Variants in STXBP5L observed in about 807,000 individuals in gnomAD.
STXBP5L encodes the protein syntaxin binding protein 5L.
STXBP5L carries 65 observed loss-of-function variants against 144.5 expected under a neutral mutation model. The observed-to-expected ratio is 0.45, with a 90% confidence interval of 0.37 to 0.55. The LOEUF (loss-of-function observed/expected upper bound fraction) is 0.55, where lower values mean the gene tolerates loss of function less well. Among genes scored for constraint, STXBP5L ranks in the 20% least tolerant of loss-of-function variants. The pLI, the probability that STXBP5L is intolerant of heterozygous loss-of-function variation, is 0.00. For missense variants in STXBP5L, 1,298 were observed against 1,405.5 expected (o/e 0.92, Z 1.22); for synonymous variants, 505 against 469.6 (o/e 1.08, Z -0.97).
intron 19 of STXBP5L, among the ~76,000 whole-genome samples, chr3:121,301,345 TTGTC>T (rs961718435): frequency 5.3e-5 from 8 of 152,138 alleles, no homozygotes; most frequent in Non-Finnish European, 1.0e-4. Flanking sequence ...GGCTCTCTGT[TTGTC>T]TGTTATTGGT....
intron 5 of STXBP5L, among the ~76,000 whole-genome samples, chr3:121,050,126 C>G (rs1947848524): frequency 6.6e-6 from 1 of 152,140 alleles, no homozygotes. Flanking sequence ...CCCCATGTTT[C>G]CACCTGGATG....
chr3:121,295,407 T>A (rs1345736871), intron 19 of STXBP5L, among the ~76,000 whole-genome samples: 1 of 152,138 alleles, frequency 6.6e-6, no homozygotes, highest in African/African-American at 2.4e-5. Context: ...GATTTTCAGT[T>A]CAGTATTTTA....
intron 20 of STXBP5L, among the ~76,000 whole-genome samples, chr3:121,347,124 T>C (rs1013565719): frequency 1.4e-4 from 22 of 152,208 alleles, no homozygotes; most frequent in Non-Finnish European, 3.1e-4. Flanking sequence ...TGAATTAATG[T>C]TTGTATAAGG....
chr3:121,383,813 C>T (rs923902098), intron 22 of STXBP5L, among the ~76,000 whole-genome samples: 1 of 152,186 alleles, frequency 6.6e-6, no homozygotes, highest in East Asian at 1.9e-4. Flanking sequence ...TATTTTCTTT[C>T]CTATACCCAT....
rs1268245605 is a variant in STXBP5L, at chr3:121,368,457, G to A, written c.2177-10259G>A. Among the ~76,000 whole-genome samples, 3 of 151,418 alleles carry A rather than the reference G, an allele frequency of 2.0e-5. No homozygotes were observed. The South Asian group carries it at 6.3e-4, about 32-fold the overall frequency. ...TTGTTTTAAAGTATTTATCTAGTAG[G>A]TCTACCCTCAGGACTTTTTCAGGGA... On this transcript the variant is annotated intron_variant, in intron 20 of 26. Transcript: ENST00000471454.
chr3:120,957,156 T>C (rs1297764865), intron 3 of STXBP5L, among the ~76,000 whole-genome samples: 2 of 151,966 alleles, frequency 1.3e-5, no homozygotes, highest in Admixed American at 1.3e-4. Context: ...TTGTGGGCTC[T>C]CCTATTCTAT....
chr3:121,016,085 T>C (rs1047505740), intron 3 of STXBP5L, among the ~76,000 whole-genome samples: 1 of 152,186 alleles, frequency 6.6e-6, no homozygotes, highest in Non-Finnish European at 1.5e-5. Context: ...CTCTGGCATA[T>C]ATGGCTATAG....
intron 5 of STXBP5L, among the ~76,000 whole-genome samples, chr3:121,068,444 A>T (rs2041651615): frequency 6.6e-6 from 1 of 151,862 alleles, no homozygotes; most frequent in South Asian, 2.1e-4. Flanking sequence ...ACTTTTTATT[A>T]TCCTATTTTT....
At chr3:121,346,426 CT>C (rs1434321717) in intron 20 of STXBP5L, among the ~76,000 whole-genome samples, 1 of 152,040 alleles carries the variant, frequency 6.6e-6, no homozygotes. Context: ...GTGCATGTGT[CT>C]TTATAGCAGC....
At chr3:121,090,968 C>G (rs2042756218) in intron 5 of STXBP5L, among the ~76,000 whole-genome samples, 1 of 139,372 alleles carries the variant, frequency 7.2e-6, no homozygotes, top group Non-Finnish European at 1.5e-5. Context: ...GTGATGTTCC[C>G]CTTCCTGTGT....
At chr3:121,006,971 C>G (rs988963945) in intron 3 of STXBP5L, among the ~76,000 whole-genome samples, 8 of 152,102 alleles carry the variant, frequency 5.3e-5, no homozygotes, top group Non-Finnish European at 1.2e-4. Context: ...TTGTCTCTGG[C>G]TACCCTTAAC....
At chr3:121,297,057 G>T (rs1019524727) in intron 19 of STXBP5L, among the ~76,000 whole-genome samples, 1 of 152,096 alleles carries the variant, frequency 6.6e-6, no homozygotes, top group Non-Finnish European at 1.5e-5. Flanking sequence ...TTGGCAAAGG[G>T]GGTATAAAAG....
intron 5 of STXBP5L, among the ~76,000 whole-genome samples, chr3:121,087,665 T>C (rs567941563): frequency 5.9e-5 from 9 of 152,164 alleles, no homozygotes; most frequent in Admixed American, 2.0e-4. Flanking sequence ...ACATTAGATA[T>C]AATTATTGAT....
chr3:121,311,239 C>A (rs1577422677), intron 19 of STXBP5L, among the ~76,000 whole-genome samples: 1 of 152,094 alleles, frequency 6.6e-6, no homozygotes, highest in African/African-American at 2.4e-5. Flanking sequence ...AGATATTGAG[C>A]AATTGGAACT....
chr3:120,975,573 A>G (rs1193966361), intron 3 of STXBP5L, among the ~76,000 whole-genome samples: 2 of 152,098 alleles, frequency 1.3e-5, no homozygotes, highest in African/African-American at 4.8e-5. Flanking sequence ...AGAACTTCCA[A>G]CGCTATGTTG....
intron 2 of STXBP5L, among the ~76,000 whole-genome samples, chr3:120,924,129 A>G (rs1709491338): frequency 1.3e-5 from 2 of 152,198 alleles, no homozygotes; most frequent in Admixed American, 6.5e-5. Flanking sequence ...ATTGTGTTAG[A>G]CAGTAATTAT....
chr3:121,129,896 G>C (rs2044894192), intron 7 of STXBP5L, among the ~76,000 whole-genome samples: 1 of 152,002 alleles, frequency 6.6e-6, no homozygotes, highest in Non-Finnish European at 1.5e-5. Flanking sequence ...TGAAGATTTT[G>C]AGGGTCTTAG....
chr3:121,347,303 T>C (rs2045036694), intron 20 of STXBP5L, among the ~76,000 whole-genome samples: 1 of 152,224 alleles, frequency 6.6e-6, no homozygotes, highest in Admixed American at 6.5e-5. Context: ...TTCTGTTCCA[T>C]TGATCTATAT....
intron 3 of STXBP5L, among the ~76,000 whole-genome samples, chr3:120,967,277 G>A (rs1459977955): frequency 6.6e-6 from 1 of 152,154 alleles, no homozygotes; most frequent in Non-Finnish European, 1.5e-5. Flanking sequence ...GCATCACCCT[G>A]CTTCAGCTCA....
Sources: allele counts gnomAD v4.1 joint callset (sites outside exome capture counted in the v4.1 genomes callset), GRCh38; gene constraint gnomAD v4.1.1; transcripts MANE v1.5; gene names NCBI Gene and HGNC (gene_info 2026-07-23, HGNC 2026-07-21).